The following RSRP1 variants were observed in gnomAD, a reference collection of about 807,000 sequenced individuals.
RSRP1 encodes arginine and serine rich protein 1, also known as arginine/serine-rich protein 1.
In RSRP1, 37 loss-of-function variants were observed where a neutral mutation model predicts 33.0. That is an observed-to-expected ratio of 1.12 (90% CI 0.86 to 1.48). RSRP1 has a LOEUF of 1.48. RSRP1 is among the 40% of genes most tolerant of loss of function. RSRP1 has a pLI of 0.00. For missense variants in RSRP1, 402 were observed against 385.3 expected, an observed-to-expected ratio of 1.04 and a Z score of -0.36; for synonymous variants, 167 against 158.7, an observed-to-expected ratio of 1.05 and a Z score of -0.40.
At chr1:25,243,800 C>G (rs933604505) in intron 3 of RSRP1, 167 bp from the exon 4 acceptor site, 1 of 1,366,672 alleles carries the variant, frequency 7.3e-7, no homozygotes, top group East Asian at 2.8e-5. Context: ...CTTAACAAAA[C>G]TGATTTAATA....
chr1:25,331,770 C>T lies in RSRP1; in HGVS notation c.-67+6208G>A, dbSNP rs1319510201. Among the ~76,000 whole-genome samples, 15 of 84,170 alleles carry T rather than the reference C, an allele frequency of 1.8e-4. 1 individual carries two copies. The highest frequency in any genetic ancestry group is 3.2e-4 in the African/African-American group (8 of 24,660). 55.2% of individuals were successfully genotyped at this position (84,170 alleles called of 152,430 possible). A position where few individuals can be genotyped will look rare whatever the true frequency, so the allele number is the denominator to read the frequency against. ...TTTTTTTTTTTTTGAGACGGAGTCT[C>T]GCTCTGTTACCCAGGCTGGAGTGCA... On this transcript the variant is annotated intron_variant, in intron 1 of 1. Transcript: ENST00000561867.
chr1:25,270,348 C>T, intron 1 of RSRP1, among the ~76,000 whole-genome samples: 1 of 130,284 alleles, frequency 7.7e-6, no homozygotes, highest in East Asian at 2.0e-4. Context: ...CGTTAGGAAC[C>T]TGACCGCACA....
rs200713124 is a variant in RSRP1, at chr1:25,305,583, TTTGTTGTTGTTGTTG to T, written c.-67+32380_-67+32394del. 1.7e-5 allele frequency among the ~76,000 whole-genome samples: 2 copies of T among 118,812 alleles called. 1 individual carries two copies. Among genetic ancestry groups the T allele is most frequent in the Non-Finnish European group, 3.9e-5 (2 of 51,120 alleles). 77.9% of individuals were successfully genotyped at this position (118,812 alleles called of 152,430 possible). A position where few individuals can be genotyped will look rare whatever the true frequency, so the allele number is the denominator to read the frequency against. On this transcript the variant is annotated intron_variant, in intron 1 of 1. Coordinates refer to the RSRP1 transcript ENST00000561867. ...GGCTAATTTTCGTGTGTGTATGTAT[TTTGTTGTTGTTGTTG>T]TTGTTGTTGTTGTTGTTGTTGAGAC...
chr1:25,278,110 T>C lies in RSRP1; in HGVS notation c.-66-31081A>G, dbSNP rs1441837565. Among the ~76,000 whole-genome samples, 6 of 130,228 alleles carry C rather than the reference T, an allele frequency of 4.6e-5. 1 individual carries two copies. Among genetic ancestry groups the C allele is most frequent in the Non-Finnish European group, 9.1e-5 (5 of 55,044 alleles). The allele number at this position is 130,228 out of a possible 152,430, so 85.4% of individuals were successfully genotyped here. A position where few individuals can be genotyped will look rare whatever the true frequency, so the allele number is the denominator to read the frequency against. On this transcript the variant is annotated intron_variant, in intron 1 of 1. Coordinates refer to the RSRP1 transcript ENST00000561867. ...TTGCTGTAATGACTACTGGTCTGGATGACCTGTGATGAGACCAGATGGGCA... is the reference window on the plus strand; with the variant it reads ...TTGCTGTAATGACTACTGGTCTGGACGACCTGTGATGAGACCAGATGGGCA...
At chr1:25,266,288 GC>G (rs1640309326) in intron 1 of RSRP1, among the ~76,000 whole-genome samples, 1 of 130,394 alleles carries the variant, frequency 7.7e-6, no homozygotes, top group African/African-American at 2.7e-5. Flanking sequence ...AAGGGTAGGG[GC>G]AAAAAACGCA....
chr1:25,337,011 T>C (rs1257818471), intron 1 of RSRP1: 2 of 153,922 alleles, frequency 1.3e-5, no homozygotes, highest in African/African-American at 4.8e-5. Context: ...GATGAACCTG[T>C]GCGTATCTCT....
At chr1:25,321,211 G>T (rs1189763627) in intron 1 of RSRP1, among the ~76,000 whole-genome samples, 3 of 129,006 alleles carry the variant, frequency 2.3e-5, no homozygotes, top group Non-Finnish European at 3.7e-5. Context: ...GCACCCAATT[G>T]GAGTCACCCT....
chr1:25,295,672 G>C lies in RSRP1; in HGVS notation c.-67+42306C>G, dbSNP rs1377252293. Among the ~76,000 whole-genome samples, 4 of 106,738 alleles carry C rather than the reference G, an allele frequency of 3.7e-5. 1 individual carries two copies. The highest frequency in any genetic ancestry group is 2.8e-4 in the South Asian group (1 of 3,624). 70.0% of individuals were successfully genotyped at this position (106,738 alleles called of 152,430 possible). The stretch of plus-strand genomic sequence containing the variant: ...GGAGTTGGGTGGACTAAGATCATTT[G>C]TGGAAGAATGATGGAGAGAAAGGCT... On this transcript the variant is annotated intron_variant, in intron 1 of 1. Coordinates refer to the RSRP1 transcript ENST00000561867.
rs193065018 is a variant in RSRP1 at position 25,269,767 on chromosome 1, C to T, written c.-66-22738G>A. Among the ~76,000 whole-genome samples, 46 of 132,022 alleles carry T rather than the reference C, an allele frequency of 3.5e-4. 7 individuals carry two copies. Among genetic ancestry groups the T allele is most frequent in the East Asian group, 7.8e-4 (4 of 5,122 alleles). The allele number at this position is 132,022 out of a possible 152,430, so 86.6% of individuals were successfully genotyped here. A position where few individuals can be genotyped will look rare whatever the true frequency, so the allele number is the denominator to read the frequency against. ...TGGGAGAGGCCAACTGCAGGGATAC[C>T]TCCCTTTTTTAATGAAAGCATTTCT... is the stretch of plus-strand genomic sequence containing the variant. On this transcript the variant is annotated intron_variant, in intron 1 of 1. Coordinates refer to the RSRP1 transcript ENST00000561867.
At chr1:25,259,936 G>A (rs1039715071) in intron 1 of RSRP1, among the ~76,000 whole-genome samples, 14 of 152,002 alleles carry the variant, frequency 9.2e-5, no homozygotes, top group East Asian at 3.9e-4. Flanking sequence ...GACGGACAGC[G>A]TGTGGCAGTG....
chr1:25,257,028 C>T (rs1431452924), intron 1 of RSRP1, among the ~76,000 whole-genome samples: 1 of 152,236 alleles, frequency 6.6e-6, no homozygotes, highest in Non-Finnish European at 1.5e-5. Context: ...GCCAAAGCCA[C>T]ATGCTGCTTT....
intron 1 of RSRP1, among the ~76,000 whole-genome samples, chr1:25,280,495 G>A (rs563588292): frequency 1.6e-5 from 2 of 127,684 alleles, no homozygotes; most frequent in African/African-American, 5.3e-5. Context: ...TAGTAGAGAC[G>A]GGGTTTCACC....
chr1:25,286,008 G>C (rs1011644496), intron 1 of RSRP1, among the ~76,000 whole-genome samples: 2 of 134,854 alleles, frequency 1.5e-5, no homozygotes, highest in African/African-American at 5.1e-5. Context: ...TGGTATACAG[G>C]TAAGGAAGTG....
At chr1:25,285,650 A>G (rs1398338694) in intron 1 of RSRP1, among the ~76,000 whole-genome samples, 1 of 135,264 alleles carries the variant, frequency 7.4e-6, no homozygotes, top group Non-Finnish European at 1.8e-5. Flanking sequence ...ACACAAAATA[A>G]CCGCATGGGG....
In RSRP1 at chr1:25,293,205, G is replaced by A. The variant is rs1263339158; in HGVS notation, c.-67+44773C>T. Among the ~76,000 whole-genome samples the A allele has an allele frequency of 2.3e-5, 3 of 130,492 alleles. 1 individual carries two copies. Among genetic ancestry groups the A allele is most frequent in the Non-Finnish European group, 5.4e-5 (3 of 55,472 alleles). The allele number at this position is 130,492 out of a possible 152,430, so 85.6% of individuals were successfully genotyped here. A position where few individuals can be genotyped will look rare whatever the true frequency, so the allele number is the denominator to read the frequency against. ...TAAAGGGGAACAGAGAAATGGAGGAGAAGCAGGAGGGCAATAATCCGATAG... is the reference window on the plus strand; with the variant it reads ...TAAAGGGGAACAGAGAAATGGAGGAAAAGCAGGAGGGCAATAATCCGATAG... On this transcript the variant is annotated intron_variant, in intron 1 of 1. Coordinates refer to the RSRP1 transcript ENST00000561867.
At position 25,293,488 on chromosome 1, in the gene RSRP1, C is replaced by T. The variant is rs1165570533; in HGVS notation, c.-67+44490G>A. Among the ~76,000 whole-genome samples the T allele has an allele frequency of 3.8e-5, 5 of 130,474 alleles. 1 individual carries two copies. The highest frequency in any genetic ancestry group is 3.8e-4 in the Admixed American group (5 of 13,284). 85.6% of individuals were successfully genotyped at this position (130,474 alleles called of 152,430 possible). A position where few individuals can be genotyped will look rare whatever the true frequency, so the allele number is the denominator to read the frequency against. On this transcript the variant is annotated intron_variant, in intron 1 of 1. Transcript: ENST00000561867. ...TATTTGTGGACAGATTGTTTTAGAA[C>T]AAGTAGAATACATTTGAGAATTAAA...
rs148014996 is a variant in RSRP1, at chr1:25,301,559, C to T, written c.-67+36419G>A. On this transcript the variant is annotated intron_variant, in intron 1 of 1. Transcript: ENST00000561867. ...TGGATGTTCTGGCCAAGTTTCAACT[C>T]TGCTCTGCTGAGAAGTCCAATCGAA... 2.6e-3 allele frequency: 3,537 copies of T among 1,379,366 alleles called. 599 individuals are homozygous for T. The African/African-American group carries it at 0.043, about 17-fold the overall frequency. The allele number at this position is 1,379,366 out of a possible 1,614,324, so 85.4% of individuals were successfully genotyped here.
intron 1 of RSRP1, among the ~76,000 whole-genome samples, chr1:25,261,052 G>A (rs549946629): frequency 6.6e-5 from 10 of 151,944 alleles, no homozygotes; most frequent in Admixed American, 2.0e-4. Context: ...TGCCTGCCTC[G>A]GCCTCCCAAA....
In RSRP1 at chr1:25,289,485, G is replaced by C. The variant is rs1642314199; in HGVS notation, c.-66-42456C>G. ...GCTGGGAGTACAGGCATGAGCCACT[G>C]CACCCAGCCTTATAGGGTTAAAATT... On this transcript the variant is annotated intron_variant, in intron 1 of 1. Coordinates refer to the RSRP1 transcript ENST00000561867. Among the ~76,000 whole-genome samples the C allele has an allele frequency of 1.5e-5, 2 of 132,736 alleles. 1 individual carries two copies. Among genetic ancestry groups the C allele is most frequent in the African/African-American group, 5.1e-5 (2 of 38,900 alleles). The allele number at this position is 132,736 out of a possible 152,430, so 87.1% of individuals were successfully genotyped here.
Sources: gnomAD v4.1 joint callset for allele counts (sites outside exome capture counted in the v4.1 genomes callset) on GRCh38, gnomAD v4.1.1 for gene constraint, MANE v1.5 for transcripts, NCBI Gene and HGNC (gene_info 2026-07-23, HGNC 2026-07-21) for gene names.